Variants in SLC36A2 observed in about 807,000 individuals in gnomAD.
SLC36A2 encodes solute carrier family 36 member 2, also known as proton-coupled amino acid transporter 2.
A neutral mutation model predicts 42.7 loss-of-function variants in SLC36A2; 39 were observed. The observed-to-expected ratio is 0.91, with a 90% CI of 0.71 to 1.19. SLC36A2 has a LOEUF of 1.19. SLC36A2 is among the 50% of genes most tolerant of loss of function. SLC36A2 has a pLI of 0.00. For synonymous variants in SLC36A2, 237 were observed against 240.8 expected (o/e 0.98, Z 0.15); for missense variants, 590 against 613.7 (o/e 0.96, Z 0.41).
chr5:151,345,605 T>C (rs55855380), intron 1 of SLC36A2, among the ~76,000 whole-genome samples: 83 of 147,768 alleles, frequency 5.6e-4, no homozygotes, highest in Admixed American at 1.5e-3. Context: ...GGTGTCCACA[T>C]CGCTGACCGA....
chr5:151,333,155 G>A, intron 7 of SLC36A2, 69 bp downstream of exon 7: 1 of 1,381,268 alleles, frequency 7.2e-7, no homozygotes, highest in Non-Finnish European at 1.0e-6. Context: ...GAAACCCAGA[G>A]CTCACAGTTC....
chr5:151,323,096 G>T (rs1433186829), intron 8 of SLC36A2, among the ~76,000 whole-genome samples: 2 of 152,094 alleles, frequency 1.3e-5, no homozygotes, highest in African/African-American at 4.8e-5. Context: ...TTACCCACGT[G>T]TGGTGGTGCA....
chr5:151,333,547 A>G (rs1250501253), intron 6 of SLC36A2, among the ~76,000 whole-genome samples: 1 of 152,184 alleles, frequency 6.6e-6, no homozygotes, highest in Non-Finnish European at 1.5e-5. Flanking sequence ...ATAGTATTTC[A>G]TGGAGGGAGT....
chr5:151,344,812 A>G (rs543293545), intron 1 of SLC36A2, among the ~76,000 whole-genome samples: 13 of 152,320 alleles, frequency 8.5e-5, no homozygotes, highest in South Asian at 2.1e-4. Flanking sequence ...TCAATGTCAT[A>G]AAACTAGTAG....
At chr5:151,322,745 G>GT (rs1051252651) in intron 8 of SLC36A2, among the ~76,000 whole-genome samples, 74 of 152,342 alleles carry the variant, frequency 4.9e-4, no homozygotes, top group African/African-American at 1.7e-3. Flanking sequence ...TATAAATAGG[G>GT]TTGTGTGGAA....
chr5:151,343,675 G>T, intron 2 of SLC36A2, 77 bp from the exon 3 acceptor site: 3 of 1,333,286 alleles, frequency 2.3e-6, no homozygotes, highest in Non-Finnish European at 2.2e-6. Context: ...GATGGGCTTG[G>T]TAGTGCTGAT....
rs888057049 is a variant in SLC36A2 at position 151,344,173 on chromosome 5, T to G, written c.255+4A>C. 6.2e-7 allele frequency: 1 copy of G among 1,613,706 alleles called. No homozygotes were observed. The highest frequency in any genetic ancestry group is 1.3e-5 in the African/African-American group (1 of 74,928). ...AAAGCCCCCACATGTGGCGCCTCTC[T>G]TACCAGGATGCCCGCGTTCTTCACA... On this transcript the variant is annotated splice_donor_region_variant and intron_variant, in intron 2 of 9. Transcript: ENST00000335244.
intron 9 of SLC36A2, among the ~76,000 whole-genome samples, chr5:151,321,145 T>TGA (rs763761120): frequency 4.8e-4 from 13 of 27,118 alleles, no homozygotes; most frequent in African/African-American, 2.0e-3. Flanking sequence ...TTCTTATGAT[T>TGA]TATTTATTTA....
intron 4 of SLC36A2, among the ~76,000 whole-genome samples, chr5:151,342,111 T>C (rs1756364013): frequency 6.6e-6 from 1 of 152,190 alleles, no homozygotes; most frequent in South Asian, 2.1e-4. Context: ...ACTTTCCTGA[T>C]TAAAACCCTC....
rs951216895 is a variant in SLC36A2 at position 151,315,342 on chromosome 5, G to A, written c.*1475C>T. 1 of 152,422 alleles carries A rather than the reference G, an allele frequency of 6.6e-6. No homozygotes were observed. The highest frequency in any genetic ancestry group is 1.5e-5 in the Non-Finnish European group (1 of 68,086). The allele number at this position is 152,422 out of a possible 1,614,324, so 9.4% of individuals were successfully genotyped here. ...ACAAGGCCAAGATCAAATTTAAAGG[G>A]GAGAGGCTGGGCGTGGTGGCTCACA... On this transcript the variant is annotated 3_prime_UTR_variant, in exon 10 of 10. Coordinates refer to ENST00000335244, the MANE Select transcript of SLC36A2 (RefSeq NM_181776.3).
intron 1 of SLC36A2, 83 bp from the exon 2 acceptor site, chr5:151,344,350 C>T (rs1379783671): frequency 6.0e-6 from 7 of 1,175,664 alleles, no homozygotes; most frequent in Non-Finnish European, 8.7e-6. Flanking sequence ...CATGCCAGCA[C>T]CTGATAGGCG....
chr5:151,339,277 A>T, intron 4 of SLC36A2, 133 bp from the exon 5 acceptor site: 1 of 622,154 alleles, frequency 1.6e-6, no homozygotes, highest in Non-Finnish European at 3.0e-6. Flanking sequence ...TCCTTCCACC[A>T]CAATCAACAA....
Position 151,316,765 on chromosome 5 carries a change from A to AAG in SLC36A2, c.*51_*52insCT. 1 of 1,198,410 alleles carries AAG rather than the reference A, an allele frequency of 8.3e-7. No homozygotes were observed. Among genetic ancestry groups the AAG allele is most frequent in the Non-Finnish European group, 1.2e-6 (1 of 832,016 alleles). 74.2% of individuals were successfully genotyped at this position (1,198,410 alleles called of 1,614,324 possible). Reference sequence around the variant, plus strand: ...CAAAAAAAAAAAAAAAAAAAAAAAGAGATCCATATAATTAAAAGTCGGGTG... The same window carrying AAG: ...CAAAAAAAAAAAAAAAAAAAAAAAGAAGGATCCATATAATTAAAAGTCGGGTG... On this transcript the variant is annotated 3_prime_UTR_variant, in exon 10 of 10. Coordinates refer to ENST00000335244, the MANE Select transcript of SLC36A2 (RefSeq NM_181776.3).
At chr5:151,322,835 G>T (rs1755735236) in intron 8 of SLC36A2, among the ~76,000 whole-genome samples, 1 of 152,214 alleles carries the variant, frequency 6.6e-6, no homozygotes, top group Non-Finnish European at 1.5e-5. Context: ...TGTGTGTGAG[G>T]CTTCAAGGGA....
At chr5:151,323,254 GATAA>G (rs58446194) in intron 8 of SLC36A2, among the ~76,000 whole-genome samples, 486 of 141,470 alleles carry the variant, frequency 3.4e-3, no homozygotes, top group African/African-American at 6.8e-3. Flanking sequence ...TAGATAGATA[GATAA>G]ATAAATAAAT....
rs565166358 is a variant in SLC36A2, at chr5:151,320,476, A to C, written c.1180+1570T>G. On this transcript the variant is annotated intron_variant, in intron 9 of 9. Coordinates refer to ENST00000335244, the MANE Select transcript of SLC36A2 (RefSeq NM_181776.3). ...GTGGTTTCTACGTACAGTGGAATAC[A>C]ATTTGGCCTTAAAAAGAAGACACTT... Among the ~76,000 whole-genome samples the C allele has an allele frequency of 2.6e-5, 4 of 152,346 alleles. No individual in the cohort carries two copies. In the South Asian group the frequency reaches 8.3e-4, roughly 32 times the overall value.
In SLC36A2 at chr5:151,319,021, T is replaced by C. The variant is rs1050130542; in HGVS notation, c.1181-1933A>G. 1.5e-5 allele frequency: 4 copies of C among 269,834 alleles called. No homozygotes were observed. The South Asian group carries it at 4.2e-4, about 28-fold the overall frequency. The allele number at this position is 269,834 out of a possible 1,614,324, so 16.7% of individuals were successfully genotyped here. ...GGCAGGAGTCTGGTTCATTCTTGTA[T>C]GGCCTTGCCCAAGTCCCACCCCTTC... On this transcript the variant is annotated intron_variant, in intron 9 of 9. Transcript: ENST00000335244.
chr5:151,335,388 T>C lies in SLC36A2; in HGVS notation c.685A>G (p.Met229Val), dbSNP rs1365215614. 6.2e-7 allele frequency: 1 copy of C among 1,613,982 alleles called. No individual in the cohort carries two copies. Among genetic ancestry groups the C allele is most frequent in the Non-Finnish European group, 8.5e-7 (1 of 1,180,016 alleles). Residue 229 changes from methionine (M) to valine (V), a missense_variant, in exon 6 of 10, where the codon ATG becomes GTG. Met to Val is a conservative substitution (Grantham distance 21). Coordinates refer to ENST00000335244, the MANE Select transcript of SLC36A2 (RefSeq NM_181776.3). ...ACCAGCATGCTGATGTTGGCCAGCATGGAGAAGATGGTCAAGATCCTGAGG... is the reference window on the plus strand; with the variant it reads ...ACCAGCATGCTGATGTTGGCCAGCACGGAGAAGATGGTCAAGATCCTGAGG... Reference protein sequence around the residue: ...RNLRILTIFSMLANISMLVSL... With the variant: ...RNLRILTIFSVLANISMLVSL...
chr5:151,344,209 G>A lies in SLC36A2; in HGVS notation c.223C>T (p.Leu75=). 6.2e-7 allele frequency: 1 copy of A among 1,614,190 alleles called. No homozygotes were observed. The change falls in exon 2 of 10, where the codon CTA becomes TTA. Residue 75 remains leucine (L), a synonymous_variant. Transcript: ENST00000335244. ...KGNMGTGILG[L]PLAVKNAGIL... is the part of the protein sequence containing the mutation. ...CCCGCGTTCTTCACAGCGAGGGGTA[G>A]TCCCAGGATCCCTGTGCCCATGTTG... is the stretch of plus-strand genomic sequence containing the variant.
Sources: allele counts gnomAD v4.1 joint callset (sites outside exome capture counted in the v4.1 genomes callset), GRCh38; gene constraint gnomAD v4.1.1; transcripts MANE v1.5; gene names NCBI Gene and HGNC (gene_info 2026-07-23, HGNC 2026-07-21).